SUGCT: variants seen among roughly 807,000 people sequenced by gnomAD.
SUGCT encodes succinyl-CoA:glutarate-CoA transferase.
In SUGCT, 41 loss-of-function variants were observed where a neutral mutation model predicts 55.0. The ratio of observed to expected loss-of-function variants is 0.74; its 90% confidence interval spans 0.58 to 0.97. The LOEUF is 0.97. SUGCT is among the 50% of genes least tolerant of loss of function. The pLI is 0.00. For synonymous variants in SUGCT, 187 were observed against 200.4 expected (o/e 0.93, Z 0.56); for missense variants, 568 against 547.8 (o/e 1.04, Z -0.37).
At chr7:40,148,970 A>G (rs1441246757) in intron 1 of SUGCT, among the ~76,000 whole-genome samples, 1 of 152,136 alleles carries the variant, frequency 6.6e-6, no homozygotes, top group Non-Finnish European at 1.5e-5. Context: ...AGGAAAAAAC[A>G]GTTGTTCTTC....
At chr7:40,898,003 C>A in the SUGCT span, among the ~76,000 whole-genome samples, 2 of 152,268 alleles carry the variant, frequency 1.3e-5, no homozygotes, top group Admixed American at 1.3e-4. Flanking sequence ...CTCAGGTTCC[C>A]TTCCGGTGTG....
Position 40,339,159 on chromosome 7 carries a change from T to TG in SUGCT, c.816+22310dup, listed in dbSNP as rs756010649. Among the ~76,000 whole-genome samples, 10 of 152,124 alleles carry TG rather than the reference T, an allele frequency of 6.6e-5. No homozygotes were observed. The East Asian group carries it at 9.6e-4, about 15-fold the overall frequency. On this transcript the variant is annotated intron_variant, in intron 9 of 13. Coordinates refer to ENST00000335693, the MANE Select transcript of SUGCT (RefSeq NM_001193313.2). ...GTGTGAGGTGTCAGTCTGCCCCTACTGGGGGGTACCTCCCAGTTAGGCTAC... is the reference window on the plus strand; with the variant it reads ...GTGTGAGGTGTCAGTCTGCCCCTACTGGGGGGGTACCTCCCAGTTAGGCTAC...
chr7:40,877,195 T>C, the SUGCT span, among the ~76,000 whole-genome samples: 2 of 152,222 alleles, frequency 1.3e-5, no homozygotes, highest in South Asian at 4.1e-4. Flanking sequence ...ACATAGCTTG[T>C]AATCAACACA....
intron 11 of SUGCT, among the ~76,000 whole-genome samples, chr7:40,462,993 A>G (rs964001276): frequency 5.9e-5 from 9 of 152,204 alleles, no homozygotes; most frequent in Non-Finnish European, 1.2e-4. Flanking sequence ...TACATGCTCC[A>G]GTTTTTAAAA....
chr7:40,960,819 C>G, the SUGCT span, among the ~76,000 whole-genome samples: 1 of 152,308 alleles, frequency 6.6e-6, no homozygotes, highest in South Asian at 2.1e-4. Context: ...ACCATACCAG[C>G]ACATTGCTTC....
chr7:40,929,149 C>T, the SUGCT span, among the ~76,000 whole-genome samples: 1 of 152,076 alleles, frequency 6.6e-6, no homozygotes, highest in Admixed American at 6.6e-5. Context: ...GTTCAATTCC[C>T]ACCTATGAGT....
chr7:40,343,689 C>T lies in SUGCT; in HGVS notation c.816+26834C>T, dbSNP rs1000996632. The stretch of plus-strand genomic sequence containing the variant: ...TATTTTTTTTTGAGATGGAGTCTCG[C>T]TCTGTCGCCCAGGCTGGAGTGCAGT... On this transcript the variant is annotated intron_variant, in intron 9 of 13. Coordinates refer to ENST00000335693, the MANE Select transcript of SUGCT (RefSeq NM_001193313.2). Among the ~76,000 whole-genome samples, 4 of 152,058 alleles carry T rather than the reference C, an allele frequency of 2.6e-5. 1 individual carries two copies. Among genetic ancestry groups the T allele is most frequent in the Admixed American group, 6.5e-5 (1 of 15,270 alleles).
At chr7:40,734,191 C>A (rs1294837052) in intron 12 of SUGCT, among the ~76,000 whole-genome samples, 1 of 152,174 alleles carries the variant, frequency 6.6e-6, no homozygotes, top group Non-Finnish European at 1.5e-5. Flanking sequence ...AGCACTTGCA[C>A]CAGCAGAAGA....
chr7:40,241,876 C>T (rs984537204), intron 7 of SUGCT, among the ~76,000 whole-genome samples: 4 of 148,878 alleles, frequency 2.7e-5, no homozygotes, highest in African/African-American at 5.0e-5. Flanking sequence ...GCTGAGATCA[C>T]GCCACTGTAC....
At chr7:40,767,655 G>A (rs953289657) in intron 13 of SUGCT, among the ~76,000 whole-genome samples, 3 of 152,190 alleles carry the variant, frequency 2.0e-5, no homozygotes, top group Admixed American at 2.0e-4. Context: ...AGAAGATTTA[G>A]CAAGAGATGA....
intron 1 of SUGCT, among the ~76,000 whole-genome samples, chr7:40,168,206 A>G (rs969317080): frequency 9.2e-5 from 14 of 152,190 alleles, no homozygotes; most frequent in African/African-American, 3.1e-4. Context: ...TAGGAAATCC[A>G]GCTAGTCCTG....
the SUGCT span, among the ~76,000 whole-genome samples, chr7:40,877,446 A>G: frequency 6.6e-6 from 1 of 152,178 alleles, no homozygotes; most frequent in Admixed American, 6.5e-5. Context: ...TTGATAATGT[A>G]CTGCAGGGAA....
intron 12 of SUGCT, among the ~76,000 whole-genome samples, chr7:40,551,443 C>G (rs967893526): frequency 3.9e-5 from 6 of 152,322 alleles, no homozygotes; most frequent in African/African-American, 1.2e-4. Context: ...CATCTTTAAG[C>G]TGTCTTTCAA....
chr7:40,537,993 G>A (rs937275555), intron 12 of SUGCT: 2 of 152,064 alleles, frequency 1.3e-5, no homozygotes, highest in African/African-American at 2.4e-5. Flanking sequence ...TAATGAACAC[G>A]ATAGCTATGA....
chr7:40,443,350 G>A (rs922965886), intron 9 of SUGCT, among the ~76,000 whole-genome samples: 19 of 152,168 alleles, frequency 1.2e-4, no homozygotes, highest in African/African-American at 4.3e-4. Context: ...CAGTGTAAAA[G>A]TGCTCCTATT....
chr7:40,366,016 C>T (rs774129669), intron 9 of SUGCT, among the ~76,000 whole-genome samples: 2 of 152,176 alleles, frequency 1.3e-5, no homozygotes, highest in Non-Finnish European at 2.9e-5. Flanking sequence ...TCAAACTTTA[C>T]TACGAGGCTA....
chr7:40,679,271 T>G (rs62451217), intron 12 of SUGCT, among the ~76,000 whole-genome samples: 12 of 152,122 alleles, frequency 7.9e-5, no homozygotes, highest in Non-Finnish European at 1.3e-4. Flanking sequence ...TGAAGATAGC[T>G]GAAAGCTATC....
chr7:40,906,380 G>C, the SUGCT span, among the ~76,000 whole-genome samples: 1 of 151,966 alleles, frequency 6.6e-6, no homozygotes, highest in African/African-American at 2.4e-5. Context: ...AGTGAGTCTT[G>C]GATATATTTA....
intron 13 of SUGCT, among the ~76,000 whole-genome samples, chr7:40,789,807 T>G (rs953418237): frequency 2.6e-5 from 4 of 152,176 alleles, no homozygotes; most frequent in African/African-American, 9.7e-5. Context: ...TGCATTAGGT[T>G]TTGTACTCAT....
Sources: gnomAD v4.1 joint callset for allele counts (sites outside exome capture counted in the v4.1 genomes callset) on GRCh38, gnomAD v4.1.1 for gene constraint, MANE v1.5 for transcripts, NCBI Gene and HGNC (gene_info 2026-07-23, HGNC 2026-07-21) for gene names.